NR5A2: variants seen among roughly 807,000 people sequenced by gnomAD.
The protein encoded by NR5A2 is CYP7A promoter-binding factor.
In NR5A2, 26 loss-of-function variants were observed where a neutral mutation model predicts 62.7. The ratio of observed to expected loss-of-function variants is 0.41; its 90% confidence interval spans 0.30 to 0.58. The LOEUF is 0.58. Among genes scored for constraint, NR5A2 ranks in the 20% least tolerant of loss-of-function variants. The pLI is 0.22. For synonymous variants in NR5A2, 246 were observed against 241.7 expected, an observed-to-expected ratio of 1.02 and a Z score of -0.16; for missense variants, 541 against 669.1, an observed-to-expected ratio of 0.81 and a Z score of 2.11.
At chr1:200,032,533 G>A (rs945450474) in intron 1 of NR5A2, among the ~76,000 whole-genome samples, 2 of 152,190 alleles carry the variant, frequency 1.3e-5, no homozygotes, top group Non-Finnish European at 2.9e-5. Flanking sequence ...ACTTTGTCAA[G>A]CCCTGCAAGA....
intron 5 of NR5A2, among the ~76,000 whole-genome samples, chr1:200,086,889 A>G (rs905462794): frequency 3.9e-5 from 6 of 152,074 alleles, no homozygotes; most frequent in Non-Finnish European, 7.4e-5. Context: ...AAATACAAAA[A>G]TTAGCTGGGA....
In NR5A2 at chr1:200,118,054, T is replaced by C. The variant is rs546783372; in HGVS notation, c.1231-2754T>C. ...TTTTTTTTGAGACAGTCTCACTCTG[T>C]TGCCCAGGTTGGAGTGCAGTGGTGC... On this transcript the variant is annotated intron_variant, in intron 6 of 7. Coordinates refer to ENST00000367362, the MANE Select transcript of NR5A2 (RefSeq NM_205860.3). Among the ~76,000 whole-genome samples, 5 of 144,078 alleles carry C rather than the reference T, an allele frequency of 3.5e-5. No homozygotes were observed. The East Asian group carries it at 6.1e-4, about 18-fold the overall frequency. The allele number at this position is 144,078 out of a possible 152,430, so 94.5% of individuals were successfully genotyped here.
intron 7 of NR5A2, among the ~76,000 whole-genome samples, chr1:200,131,895 A>G (rs1666982954): frequency 6.6e-6 from 1 of 152,224 alleles, no homozygotes; most frequent in Admixed American, 6.5e-5. Context: ...AAGCCAGGAG[A>G]GAAGAACAAA....
chr1:200,154,716 A>T (rs1571567178), intron 7 of NR5A2, among the ~76,000 whole-genome samples: 4 of 152,344 alleles, frequency 2.6e-5, no homozygotes, highest in African/African-American at 9.6e-5. Flanking sequence ...GTAAATTTTT[A>T]AAAAGAAAGG....
At chr1:200,051,082 T>G (rs941634831) in intron 5 of NR5A2, among the ~76,000 whole-genome samples, 2 of 152,208 alleles carry the variant, frequency 1.3e-5, no homozygotes, top group African/African-American at 2.4e-5. Context: ...TAATCAGTAC[T>G]AATTAAGGAC....
At chr1:200,095,129 GA>G (rs5780009) in intron 5 of NR5A2, among the ~76,000 whole-genome samples, 80,266 of 147,756 alleles carry the variant, frequency 0.54, 23,028 homozygotes, top group Non-Finnish European at 0.65. Flanking sequence ...TTAATAAAAA[GA>G]AAAAAAAAAA....
chr1:200,133,801 T>A (rs1000265666), intron 7 of NR5A2, among the ~76,000 whole-genome samples: 1 of 150,750 alleles, frequency 6.6e-6, no homozygotes, highest in Non-Finnish European at 1.5e-5. Context: ...TAAAGTAGCC[T>A]CAGGCAGGTC....
chr1:200,056,726 A>G (rs534969683), intron 5 of NR5A2, among the ~76,000 whole-genome samples: 1 of 152,166 alleles, frequency 6.6e-6, no homozygotes, highest in Non-Finnish European at 1.5e-5. Context: ...AGTGATGATC[A>G]TAACTTCACA....
At chr1:200,137,690 A>G (rs1667285338) in intron 7 of NR5A2, among the ~76,000 whole-genome samples, 2 of 152,210 alleles carry the variant, frequency 1.3e-5, no homozygotes, top group African/African-American at 2.4e-5. Context: ...GTTTTTAAGT[A>G]TTTTAAGAAT....
intron 5 of NR5A2, among the ~76,000 whole-genome samples, chr1:200,088,551 C>G (rs1464875588): frequency 2.6e-5 from 4 of 152,192 alleles, no homozygotes; most frequent in African/African-American, 9.6e-5. Flanking sequence ...GCCACCATGC[C>G]TGACCGCCCA....
chr1:200,159,591 TTGAA>T (rs1237838680), intron 7 of NR5A2, among the ~76,000 whole-genome samples: 1 of 152,168 alleles, frequency 6.6e-6, no homozygotes, highest in African/African-American at 2.4e-5. Context: ...GTAGAGATTG[TTGAA>T]TGCTTTCGTT....
chr1:200,135,290 G>A (rs112318739), intron 7 of NR5A2, among the ~76,000 whole-genome samples: 4 of 152,186 alleles, frequency 2.6e-5, no homozygotes, highest in Admixed American at 6.5e-5. Flanking sequence ...GGAGGCCGAG[G>A]CAGGTGGATC....
At chr1:200,161,227 T>G (rs1653627259) in intron 7 of NR5A2, among the ~76,000 whole-genome samples, 1 of 152,224 alleles carries the variant, frequency 6.6e-6, no homozygotes, top group South Asian at 2.1e-4. Flanking sequence ...ATTTGAGGTT[T>G]AGGGGCAAAC....
chr1:200,155,469 TAAAG>T (rs1653334255), intron 7 of NR5A2, among the ~76,000 whole-genome samples: 1 of 152,306 alleles, frequency 6.6e-6, no homozygotes, highest in African/African-American at 2.4e-5. Flanking sequence ...TCTAATGCCT[TAAAG>T]AAGTGTTTGC....
chr1:200,080,097 G>T lies in NR5A2; in HGVS notation c.1111-31105G>T, dbSNP rs1165685020. On this transcript the variant is annotated intron_variant, in intron 5 of 7. Transcript: ENST00000367362. ...TTTCCAAAAAGTTTGAGGTGATTTG[G>T]AGAAAGAAGGAGAACAGACAGTTGG... Among the ~76,000 whole-genome samples the T allele has an allele frequency of 2.0e-5, 3 of 152,132 alleles. No homozygotes were observed. The East Asian group carries it at 5.8e-4, about 29-fold the overall frequency.
intron 5 of NR5A2, among the ~76,000 whole-genome samples, chr1:200,082,224 TCTC>T (rs563337315): frequency 1.3e-3 from 204 of 152,202 alleles, no homozygotes; most frequent in South Asian, 3.1e-3. Context: ...CTAGAAAAAA[TCTC>T]CTGATTAGGG....
intron 7 of NR5A2, among the ~76,000 whole-genome samples, chr1:200,157,183 A>G (rs1653428251): frequency 6.6e-6 from 1 of 152,242 alleles, no homozygotes; most frequent in Admixed American, 6.5e-5. Flanking sequence ...TTAAAAGATT[A>G]GGAAACTGAA....
intron 6 of NR5A2, among the ~76,000 whole-genome samples, chr1:200,113,468 C>A (rs1385684738): frequency 6.6e-6 from 1 of 152,194 alleles, no homozygotes; most frequent in Non-Finnish European, 1.5e-5. Context: ...GTGCTTCTTG[C>A]GTTTCATAGG....
chr1:200,118,555 C>T (rs1465118496), intron 6 of NR5A2, among the ~76,000 whole-genome samples: 1 of 152,202 alleles, frequency 6.6e-6, no homozygotes, highest in African/African-American at 2.4e-5. Context: ...TAAGAGGCAG[C>T]ATTGGCTCGG....
Sources: allele counts gnomAD v4.1 joint callset (sites outside exome capture counted in the v4.1 genomes callset), GRCh38; gene constraint gnomAD v4.1.1; transcripts MANE v1.5; gene names NCBI Gene and HGNC (gene_info 2026-07-23, HGNC 2026-07-21).